LIPG: variants seen among roughly 807,000 people sequenced by gnomAD.
LIPG encodes endothelial lipase.
In LIPG, 34 loss-of-function variants were observed where a neutral mutation model predicts 51.8. That is an observed-to-expected ratio of 0.66 (90% CI 0.50 to 0.87). The LOEUF (loss-of-function observed/expected upper bound fraction) is 0.87, where lower values mean the gene tolerates loss of function less well. Ranked by LOEUF, LIPG falls within the 40% of genes least tolerant of loss-of-function variation. LIPG has a pLI of 0.00. For synonymous variants in LIPG, 246 were observed against 246.1 expected (o/e 1.00, Z 0.00); for missense variants, 580 against 652.7 (o/e 0.89, Z 1.21).
intron 5 of LIPG, among the ~76,000 whole-genome samples, chr18:49,577,904 T>G: frequency 1.1e-5 from 1 of 90,188 alleles, no homozygotes. Flanking sequence ...GCTCCTCACT[T>G]CCCAGTAGGG....
Position 49,562,366 on chromosome 18 carries a change from G to T in LIPG, c.58G>T (p.Gly20Trp). The T allele has an allele frequency of 6.2e-7, 1 of 1,613,962 alleles. No individual in the cohort carries two copies. The highest frequency in any genetic ancestry group is 8.5e-7 in the Non-Finnish European group (1 of 1,180,034). Residue 20 changes from glycine (G) to tryptophan (W), a missense_variant, in exon 1 of 10, where the codon GGG becomes TGG. Gly to Trp is a radical substitution (Grantham distance 184). Transcript: ENST00000261292. ...GAGCCTCTGCTATTGCTTTGCTGCG[G>T]GGAGCCCCGTACCTTTTGGTCCAGA... ...FWSLCYCFAA[G>W]SPVPFGPEGR...
At chr18:49,566,253 G>T (rs1250641300) in intron 2 of LIPG, among the ~76,000 whole-genome samples, 2 of 152,196 alleles carry the variant, frequency 1.3e-5, no homozygotes, top group Admixed American at 6.5e-5. Flanking sequence ...GCAGGAGAGG[G>T]TAGGTGCCTG....
intron 4 of LIPG, among the ~76,000 whole-genome samples, chr18:49,570,368 C>T (rs1250520139): frequency 1.3e-5 from 2 of 152,284 alleles, no homozygotes; most frequent in East Asian, 1.9e-4. Flanking sequence ...ACAGAGATTC[C>T]TCTATGCTAC....
chr18:49,569,556 C>T lies in LIPG; in HGVS notation c.571+8C>T, dbSNP rs1469692572. 2 of 1,607,378 alleles carry T rather than the reference C, an allele frequency of 1.2e-6. No homozygotes were observed. The highest frequency in any genetic ancestry group is 1.1e-5 in the South Asian group (1 of 90,790). On this transcript the variant is annotated splice_region_variant and intron_variant, in intron 4 of 9. Transcript: ENST00000261292. ...CGGTGGGCCGAATCACAGGTGAGCT[C>T]CACTTCCATCACTAAAGGGCTCCCT...
At chr18:49,577,575 C>T (rs1488198641) in intron 5 of LIPG, among the ~76,000 whole-genome samples, 1 of 149,594 alleles carries the variant, frequency 6.7e-6, no homozygotes, top group Non-Finnish European at 1.5e-5. Context: ...AGGGGCTCCT[C>T]ACTTCCCAGT....
chr18:49,595,446 G>A lies in LIPG; in HGVS notation c.*4924G>A, dbSNP rs1182970027. On this transcript the variant is annotated 3_prime_UTR_variant, in exon 10 of 10. Transcript: ENST00000261292. ...AAGAAACAGAGACAATACTGCTCAG[G>A]GTTGTTGTGAATGTTAAAGGTACAT... 1 of 152,104 alleles carries A rather than the reference G, an allele frequency of 6.6e-6. No individual in the cohort carries two copies. Among genetic ancestry groups the A allele is most frequent in the African/African-American group, 2.4e-5 (1 of 41,416 alleles). The allele number at this position is 152,104 out of a possible 1,614,324, so 9.4% of individuals were successfully genotyped here. A position where few individuals can be genotyped will look rare whatever the true frequency, so the allele number is the denominator to read the frequency against.
At chr18:49,584,315 G>A (rs1304259706) in intron 8 of LIPG, among the ~76,000 whole-genome samples, 1 of 152,186 alleles carries the variant, frequency 6.6e-6, no homozygotes, top group Non-Finnish European at 1.5e-5. Flanking sequence ...GCAAGTAACA[G>A]AGAATCCTCT....
chr18:49,577,025 TA>T (rs1445779084), intron 5 of LIPG, among the ~76,000 whole-genome samples: 1 of 151,596 alleles, frequency 6.6e-6, no homozygotes, highest in African/African-American at 2.4e-5. Context: ...TTTATTTATT[TA>T]TTTTTTTTTT....
chr18:49,579,033 GGA>G (rs1187927298), intron 5 of LIPG, among the ~76,000 whole-genome samples: 2 of 32 alleles, frequency 0.062, no homozygotes, highest in Non-Finnish European at 0.083. Flanking sequence ...AGAGGGAGAG[GGA>G]GAGGGAGAGG....
At chr18:49,564,644 A>G (rs909329650) in intron 1 of LIPG, among the ~76,000 whole-genome samples, 11 of 152,282 alleles carry the variant, frequency 7.2e-5, no homozygotes, top group African/African-American at 2.7e-4. Context: ...GCAGGTCAAC[A>G]GCCTCTTGCC....
At chr18:49,578,512 G>A (rs1466381025) in intron 5 of LIPG, among the ~76,000 whole-genome samples, 214 of 144,754 alleles carry the variant, frequency 1.5e-3, no homozygotes, top group African/African-American at 5.1e-3. Flanking sequence ...GATGGCGGCC[G>A]GGCGGAGACG....
chr18:49,561,696 T>A, upstream of LIPG: 1 of 1,244,826 alleles, frequency 8.0e-7, no homozygotes, highest in East Asian at 3.1e-5. Context: ...ATGCTCTCCT[T>A]CTCCAGGGAT....
chr18:49,561,839 C>T, upstream of LIPG: 1 of 1,252,414 alleles, frequency 8.0e-7, no homozygotes, highest in Non-Finnish European at 1.0e-6. Context: ...GTCGCAGCTG[C>T]CTGCGGAGCG....
At chr18:49,586,975 T>A in intron 9 of LIPG, 125 bp downstream of exon 9, 1 of 754,702 alleles carries the variant, frequency 1.3e-6, no homozygotes, top group Non-Finnish European at 2.3e-6. Flanking sequence ...AATCTCTTCC[T>A]TTAAGAAGTT....
chr18:49,565,625 G>A, intron 2 of LIPG, 127 bp downstream of exon 2: 1 of 1,059,038 alleles, frequency 9.4e-7, no homozygotes, highest in East Asian at 2.5e-5. Context: ...TGGGCTGCTT[G>A]TATTTCAGAC....
intron 5 of LIPG, among the ~76,000 whole-genome samples, chr18:49,577,119 C>T (rs1364619319): frequency 6.9e-6 from 1 of 144,588 alleles, no homozygotes; most frequent in Non-Finnish European, 1.5e-5. Context: ...AGCAGATAAA[C>T]AAGTGAACAA....
upstream of LIPG, chr18:49,561,588 CA>C: frequency 1.1e-6 from 1 of 935,696 alleles, no homozygotes; most frequent in Non-Finnish European, 1.4e-6. Context: ...AAGAGGAGGA[CA>C]AAGGGGATGA....
Position 49,595,480 on chromosome 18 carries a change from AG to A in LIPG, c.*4959del, listed in dbSNP as rs1202691383. 2 of 152,242 alleles carry A rather than the reference AG, an allele frequency of 1.3e-5. No individual in the cohort carries two copies. Among genetic ancestry groups the A allele is most frequent in the Non-Finnish European group, 2.9e-5 (2 of 68,048 alleles). The allele number at this position is 152,242 out of a possible 1,614,324, so 9.4% of individuals were successfully genotyped here. ...GAATGTTAAAGGTACATGGTAAAAA[AG>A]AAAGTATTTGTGTTTTGTAAACATT... On this transcript the variant is annotated 3_prime_UTR_variant, in exon 10 of 10. Coordinates refer to ENST00000261292, the MANE Select transcript of LIPG (RefSeq NM_006033.4).
rs533987003 is a variant in LIPG, at chr18:49,590,699, C to T, written c.*177C>T. On this transcript the variant is annotated 3_prime_UTR_variant, in exon 10 of 10. Transcript: ENST00000261292. ...TGGGACTCCTCGCGGGAGGGGACTG[C>T]GCTGCTATAGCTCTTGCTGCCTCTC... 42 of 691,288 alleles carry T rather than the reference C, an allele frequency of 6.1e-5. No individual in the cohort carries two copies. Among genetic ancestry groups the T allele is most frequent in the Admixed American group, 8.3e-5 (4 of 48,118 alleles). 42.8% of individuals were successfully genotyped at this position (691,288 alleles called of 1,614,324 possible).
Sources: allele counts gnomAD v4.1 joint callset (sites outside exome capture counted in the v4.1 genomes callset), GRCh38; gene constraint gnomAD v4.1.1; transcripts MANE v1.5; gene names NCBI Gene and HGNC (gene_info 2026-07-23, HGNC 2026-07-21).